The following TNC variants were observed in gnomAD, a reference collection of about 807,000 sequenced individuals.
TNC encodes the protein tenascin C, also known as tenascin.
A neutral mutation model predicts 202.4 loss-of-function variants in TNC; 109 were observed. The ratio of observed to expected loss-of-function variants is 0.54; its 90% CI spans 0.46 to 0.63. TNC has a LOEUF of 0.63. Among genes scored for constraint, TNC ranks in the 30% least tolerant of loss-of-function variants. The pLI is 0.00. For missense variants in TNC, 2,756 were observed against 2,833.3 expected, an observed-to-expected ratio of 0.97 and a Z score of 0.62; for synonymous variants, 1,007 against 1,089.7, an observed-to-expected ratio of 0.92 and a Z score of 1.50.
intron 27 of TNC, among the ~76,000 whole-genome samples, chr9:115,021,584 T>C (rs774504835): frequency 6.6e-6 from 1 of 152,136 alleles, no homozygotes; most frequent in African/African-American, 2.4e-5. Flanking sequence ...TCCTTAGGAA[T>C]AGGTTCTGAA....
chr9:115,061,555 C>T (rs1001645222), intron 13 of TNC, among the ~76,000 whole-genome samples: 1 of 152,216 alleles, frequency 6.6e-6, no homozygotes, highest in Non-Finnish European at 1.5e-5. Context: ...TTCCAGGCAA[C>T]ACAGGAATAA....
chr9:115,046,708 A>G (rs772529033), intron 16 of TNC, 26 bp from the exon 17 acceptor site: 2 of 1,610,010 alleles, frequency 1.2e-6, no homozygotes, highest in Non-Finnish European at 1.7e-6. Context: ...ATGGTGGGAG[A>G]AGGAGGAAAG....
At position 115,036,207 on chromosome 9, in the gene TNC, T is replaced by C. The variant is rs1830316851; in HGVS notation, c.5547A>G (p.Thr1849=). The change falls in exon 21 of 28, where the codon ACA becomes ACG. Residue 1849 remains threonine (T), a synonymous_variant. Transcript: ENST00000350763. ...CGAGGTCGGTCAGAGCATACTCCAC[T>C]GTGTTCCCGGACACCGTGCGTGTAA... is the stretch of plus-strand genomic sequence containing the variant. The part of the protein sequence containing the change: ...PEITRTVSGN[T]VEYALTDLEP... 1 of 1,614,156 alleles carries C rather than the reference T, an allele frequency of 6.2e-7. No homozygotes were observed. Among genetic ancestry groups the C allele is most frequent in the African/African-American group, 1.3e-5 (1 of 75,034 alleles).
rs1836993937 is a variant in TNC at position 115,110,915 on chromosome 9, T to C, written c.-137+7067A>G. ...TTTTTTTTGAGACAGAGTCTCACTG[T>C]GTTGCCCAGGCTGGAGTGCAGTGGT... On this transcript the variant is annotated intron_variant, in intron 1 of 27. Coordinates refer to ENST00000350763, the MANE Select transcript of TNC (RefSeq NM_002160.4). 2.0e-5 allele frequency among the ~76,000 whole-genome samples: 3 copies of C among 149,688 alleles called. No individual in the cohort carries two copies. In the South Asian group the frequency reaches 6.3e-4, roughly 32 times the overall value.
At chr9:115,075,350 CA>C (rs1479502144) in intron 9 of TNC, among the ~76,000 whole-genome samples, 1 of 152,106 alleles carries the variant, frequency 6.6e-6, no homozygotes, top group Non-Finnish European at 1.5e-5. Context: ...ATCTGCTTGA[CA>C]GGGGTATAAA....
rs745353110 is a variant in TNC, at chr9:115,087,185, G to T, written c.546C>A (p.Gly182=). The change falls in exon 3 of 28, where the codon GGC becomes GGA. Residue 182 remains glycine, a synonymous_variant. Coordinates refer to ENST00000350763, the MANE Select transcript of TNC (RefSeq NM_002160.4). ...CGCVCEPGWK[G]PNCSEPECPG... is the part of the protein sequence containing the mutation. ...GACATTCGGGCTCAGAGCAGTTGGGGCCTTTCCAGCCAGGTTCGCAGACAC... is the reference window on the plus strand; with the variant it reads ...GACATTCGGGCTCAGAGCAGTTGGGTCCTTTCCAGCCAGGTTCGCAGACAC... The T allele has an allele frequency of 1.9e-6, 3 of 1,614,098 alleles. No individual in the cohort carries two copies. The Admixed American group carries it at 5.0e-5, about 27-fold the overall frequency.
At chr9:115,067,757 A>G (rs1416750555) in intron 10 of TNC, among the ~76,000 whole-genome samples, 1 of 151,746 alleles carries the variant, frequency 6.6e-6, no homozygotes, top group Non-Finnish European at 1.5e-5. Context: ...TTTTTTTTAC[A>G]TAATGTCATG....
rs762400955 is a variant in TNC at position 115,062,664 on chromosome 9, C to T, written c.4033+253G>A. Among the ~76,000 whole-genome samples the T allele has an allele frequency of 5.9e-4, 85 of 145,156 alleles. No individual in the cohort carries two copies. In the Middle Eastern group the frequency reaches 0.011, roughly 18 times the overall value. On this transcript the variant is annotated intron_variant, in intron 13 of 27. Coordinates refer to ENST00000350763, the MANE Select transcript of TNC (RefSeq NM_002160.4). Reference sequence around the variant, plus strand: ...ATACACACACACATATATATATATACACACACACACTATATATATAAGTAT... The same window carrying T: ...ATACACACACACATATATATATATATACACACACACTATATATATAAGTAT...
At chr9:115,094,883 T>C (rs972315973) in intron 1 of TNC, among the ~76,000 whole-genome samples, 2 of 146,424 alleles carry the variant, frequency 1.4e-5, no homozygotes, top group Non-Finnish European at 3.0e-5. Context: ...GTTTATGTGC[T>C]GGGGATGATG....
intron 1 of TNC, chr9:115,114,857 T>C (rs1837341089): frequency 1.3e-5 from 2 of 152,192 alleles, no homozygotes; most frequent in African/African-American, 2.4e-5. Context: ...TAGTAATTTA[T>C]AATTTGTAGT....
chr9:115,041,185 A>C, intron 18 of TNC, 101 bp from the exon 19 acceptor site: 1 of 1,314,954 alleles, frequency 7.6e-7, no homozygotes, highest in Non-Finnish European at 1.0e-6. Flanking sequence ...ATGAAACTAT[A>C]TCTTCATCAA....
In TNC at chr9:115,081,779, G is replaced by A; in HGVS notation, c.2397C>T (p.Thr799=). 1 of 1,613,942 alleles carries A rather than the reference G, an allele frequency of 6.2e-7. No homozygotes were observed. The highest frequency in any genetic ancestry group is 8.5e-7 in the Non-Finnish European group (1 of 1,179,920). The part of the protein sequence containing the change: ...NTRGPGLKRV[T]TTRLDAPSQI... ...ATTAAAGGTGATACTCACGTGTGGTGGTCACCCTCTTCAGGCCAGGGCCCC... is the reference window on the plus strand; with the variant it reads ...ATTAAAGGTGATACTCACGTGTGGTAGTCACCCTCTTCAGGCCAGGGCCCC... The change falls in exon 6 of 28, where the codon ACC becomes ACT. Residue 799 remains threonine (T), a synonymous_variant. Transcript: ENST00000350763.
chr9:115,091,783 A>G lies in TNC; in HGVS notation c.-136-629T>C, dbSNP rs1024950154. Reference sequence around the variant, plus strand: ...ATCCCAGCCGAGCTTCTTACTAGTTATATGACTGTCAGTATAGCATTCAGT... The same window carrying G: ...ATCCCAGCCGAGCTTCTTACTAGTTGTATGACTGTCAGTATAGCATTCAGT... On this transcript the variant is annotated intron_variant, in intron 1 of 27. Coordinates refer to ENST00000350763, the MANE Select transcript of TNC (RefSeq NM_002160.4). 5.3e-5 allele frequency among the ~76,000 whole-genome samples: 8 copies of G among 152,220 alleles called. No homozygotes were observed. In the South Asian group the frequency reaches 1.4e-3, roughly 28 times the overall value.
At chr9:115,022,942 C>T (rs1829193562) in intron 27 of TNC, among the ~76,000 whole-genome samples, 1 of 151,318 alleles carries the variant, frequency 6.6e-6, no homozygotes, top group South Asian at 2.1e-4. Context: ...TATTGAAAAG[C>T]AACAGGTCCC....
chr9:115,071,241 A>T (rs1342720241), intron 10 of TNC, among the ~76,000 whole-genome samples: 2 of 152,204 alleles, frequency 1.3e-5, no homozygotes, highest in Non-Finnish European at 2.9e-5. Context: ...TGAAACATAT[A>T]TATTTTTTCC....
At chr9:115,077,486 G>A (rs368259221) in intron 7 of TNC, among the ~76,000 whole-genome samples, 5 of 152,298 alleles carry the variant, frequency 3.3e-5, no homozygotes, top group South Asian at 2.1e-4. Context: ...CACCACGCCC[G>A]GCCTCCTCAT....
At chr9:115,025,213 T>G (rs1829387004) in intron 26 of TNC, among the ~76,000 whole-genome samples, 1 of 152,226 alleles carries the variant, frequency 6.6e-6, no homozygotes, top group Non-Finnish European at 1.5e-5. Context: ...TGTAACATTC[T>G]TCTTCTTGCC....
At chr9:115,067,629 C>T (rs1025321073) in intron 10 of TNC, among the ~76,000 whole-genome samples, 15 of 152,090 alleles carry the variant, frequency 9.9e-5, no homozygotes, top group African/African-American at 3.6e-4. Context: ...TGGAAAATGT[C>T]TCTTCCTAAT....
chr9:115,074,926 G>T (rs909589250), intron 9 of TNC, among the ~76,000 whole-genome samples: 1 of 152,140 alleles, frequency 6.6e-6, no homozygotes, highest in African/African-American at 2.4e-5. Flanking sequence ...ACCCTTGGGG[G>T]AACCTGGGTG....
Sources: allele counts gnomAD v4.1 joint callset (sites outside exome capture counted in the v4.1 genomes callset), GRCh38; gene constraint gnomAD v4.1.1; transcripts MANE v1.5; gene names NCBI Gene and HGNC (gene_info 2026-07-23, HGNC 2026-07-21).